Variants in CHD2 observed in about 807,000 individuals in gnomAD.
CHD2 encodes ATP-dependent chromatin remodeler CHD2.
In CHD2, 28 loss-of-function variants were observed where a neutral mutation model predicts 243.9. That is an observed-to-expected ratio of 0.11 (90% confidence interval 0.09 to 0.16). The LOEUF is 0.16. CHD2 is among the 10% of genes least tolerant of loss of function. The pLI is 1.00. For missense variants in CHD2, 1,386 were observed against 2,209.8 expected, an observed-to-expected ratio of 0.63 and a Z score of 7.47; for synonymous variants, 775 against 779.0, an observed-to-expected ratio of 0.99 and a Z score of 0.09.
In CHD2 at chr15:92,940,796, T is replaced by TAA. The variant is rs1276325970; in HGVS notation, c.693-1025_693-1024insAA. Among the ~76,000 whole-genome samples the TAA allele has an allele frequency of 6.6e-3, 906 of 137,268 alleles. 44 individuals carry two copies. Among genetic ancestry groups the TAA allele is most frequent in the South Asian group, 0.014 (61 of 4,418 alleles). 90.1% of individuals were successfully genotyped at this position (137,268 alleles called of 152,430 possible). ...ATAAAAAATATAAAAAATATATAAA[T>TAA]ATATAAATAAATATAAATATATATA... is the stretch of plus-strand genomic sequence containing the variant. On this transcript the variant is annotated intron_variant, in intron 7 of 38. Coordinates refer to ENST00000394196, the MANE Select transcript of CHD2 (RefSeq NM_001271.4).
intron 12 of CHD2, chr15:92,946,950 G>C (rs2053479169): frequency 6.7e-6 from 1 of 149,972 alleles, no homozygotes; most frequent in Non-Finnish European, 1.5e-5. Context: ...AAAAAAAATA[G>C]AGAGCGGGAA....
chr15:92,932,674 T>C (rs1485387758), intron 5 of CHD2, among the ~76,000 whole-genome samples: 1 of 152,126 alleles, frequency 6.6e-6, no homozygotes, highest in Admixed American at 6.5e-5. Context: ...TTTAGGACAT[T>C]GATGTTTTTG....
Position 92,985,575 on chromosome 15 carries a change from G to A in CHD2, c.3315G>A (p.Thr1105=), listed in dbSNP as rs138979360. The A allele has an allele frequency of 5.1e-5, 82 of 1,614,052 alleles. No individual in the cohort carries two copies. The African/African-American group carries it at 7.6e-4, about 15-fold the overall frequency. ...AQRSSASESE[T]EDSDDDKKPK... ...GATCCTCTGCTTCTGAGAGTGAAAC[G>A]GAAGACTCTGATGATGACAAGAAGC... is the stretch of plus-strand genomic sequence containing the variant. Residue 1105 remains threonine, a synonymous_variant, in exon 26 of 39, where the codon ACG becomes ACA. Transcript: ENST00000394196.
rs1319263341 is a variant in CHD2 at position 93,024,554 on chromosome 15, C to G, written c.5336C>G (p.Pro1779Arg). ...GGGGAATATAAACAGCCTCTACCCCCATTGCACCCTGCAGTCTCAGATCCT... is the reference window on the plus strand; with the variant it reads ...GGGGAATATAAACAGCCTCTACCCCGATTGCACCCTGCAGTCTCAGATCCT... ...KLGEYKQPLP[P>R]LHPAVSDPRS... Residue 1779 changes from proline (P) to arginine (R), a missense_variant, in exon 39 of 39, where the codon CCA (proline) becomes CGA (arginine). Around this residue, in one of 19 missense-constraint regions of CHD2, gnomAD observed 347 missense variants for 341.6 expected, o/e 1.02. Transcript: ENST00000394196. 1.2e-5 allele frequency: 19 copies of G among 1,614,216 alleles called. No individual in the cohort carries two copies. The highest frequency in any genetic ancestry group is 1.6e-5 in the Non-Finnish European group (19 of 1,180,038).
At chr15:92,941,734 A>T (rs1195426773) in intron 7 of CHD2, 88 bp from the exon 8 acceptor site, 1 of 1,315,006 alleles carries the variant, frequency 7.6e-7, no homozygotes, top group African/African-American at 1.5e-5. Context: ...CCAAAAGGGT[A>T]TGGTTTCTTA....
intron 6 of CHD2, among the ~76,000 whole-genome samples, chr15:92,939,016 G>A (rs1198611205): frequency 6.6e-6 from 1 of 151,212 alleles, no homozygotes; most frequent in African/African-American, 2.4e-5. Flanking sequence ...CTTTATCCTG[G>A]AAATCCTTTC....
chr15:92,971,693 T>C (rs769792819), intron 17 of CHD2, 72 bp from the exon 18 acceptor site: 141 of 1,414,420 alleles, frequency 1.0e-4, no homozygotes, highest in Non-Finnish European at 1.3e-4. Context: ...CTACTATCTC[T>C]TATACTCTTC....
chr15:92,970,382 G>T (rs950453811), intron 17 of CHD2, among the ~76,000 whole-genome samples: 1 of 152,048 alleles, frequency 6.6e-6, no homozygotes, highest in African/African-American at 2.4e-5. Flanking sequence ...TGTAGTTTTA[G>T]TAGAGATGGA....
chr15:92,976,071 A>C (rs2053903720), intron 20 of CHD2, among the ~76,000 whole-genome samples: 1 of 152,174 alleles, frequency 6.6e-6, no homozygotes, highest in Non-Finnish European at 1.5e-5. Context: ...AGTGCATAGT[A>C]AGCGCTCTAA....
At chr15:93,012,310 T>G (rs377308268) in intron 35 of CHD2, 35 bp from the exon 36 acceptor site, 15 of 1,480,248 alleles carry the variant, frequency 1.0e-5, no homozygotes, top group African/African-American at 1.4e-5. Context: ...TTTCTAATTC[T>G]ATAATTCACC....
At chr15:92,917,109 T>C (rs560827166) in intron 2 of CHD2, among the ~76,000 whole-genome samples, 111 of 152,250 alleles carry the variant, frequency 7.3e-4, no homozygotes, top group Non-Finnish European at 1.4e-3. Context: ...CTATATACTT[T>C]GTTATGTGTA....
Position 92,945,887 on chromosome 15 carries a change from T to C in CHD2, c.1198+22T>C, listed in dbSNP as rs181909863. 1.9e-6 allele frequency: 3 copies of C among 1,559,316 alleles called. No individual in the cohort carries two copies. In the African/African-American group the frequency reaches 4.1e-5, roughly 21 times the overall value. On this transcript the variant is annotated intron_variant, in intron 11 of 38. Coordinates refer to ENST00000394196, the MANE Select transcript of CHD2 (RefSeq NM_001271.4). The stretch of plus-strand genomic sequence containing the variant: ...CCAGGTAAGCAAGAAATTTTATTTA[T>C]AAATGTTCTTCAACATTTCAGAACA...
chr15:92,911,666 C>T (rs1435053339), intron 2 of CHD2, among the ~76,000 whole-genome samples: 3 of 151,992 alleles, frequency 2.0e-5, no homozygotes, highest in East Asian at 1.9e-4. Context: ...ACCTGGGAGG[C>T]GGAAGTTGCA....
chr15:93,003,106 C>T (rs866595218), intron 33 of CHD2, among the ~76,000 whole-genome samples: 4 of 152,094 alleles, frequency 2.6e-5, no homozygotes, highest in Admixed American at 1.3e-4. Context: ...AGGGAGACCT[C>T]GTCTCTACAA....
At chr15:92,922,844 G>C (rs961787751) in intron 2 of CHD2, among the ~76,000 whole-genome samples, 1 of 152,054 alleles carries the variant, frequency 6.6e-6, no homozygotes, top group African/African-American at 2.4e-5. Context: ...TTCACCATTA[G>C]AGGAAGATGA....
chr15:92,990,916 G>A (rs2054110317), intron 26 of CHD2, among the ~76,000 whole-genome samples: 1 of 152,182 alleles, frequency 6.6e-6, no homozygotes, highest in South Asian at 2.1e-4. Flanking sequence ...TTTGGGAGGA[G>A]AGGTCAGTAG....
In CHD2 at chr15:93,014,235, A is replaced by T. The variant is rs576034630; in HGVS notation, c.4693-461A>T. Among the ~76,000 whole-genome samples, 44 of 152,162 alleles carry T rather than the reference A, an allele frequency of 2.9e-4. No homozygotes were observed. The South Asian group carries it at 8.5e-3, about 29-fold the overall frequency. On this transcript the variant is annotated intron_variant, in intron 36 of 38. Transcript: ENST00000394196. Reference sequence around the variant, plus strand: ...TGATTTTTTTTATATCAAACATTTGACTTGTGTGATAAGGAGTAATGTTAC... The same window carrying T: ...TGATTTTTTTTATATCAAACATTTGTCTTGTGTGATAAGGAGTAATGTTAC...
chr15:92,909,924 G>A (rs1192037435), intron 2 of CHD2, among the ~76,000 whole-genome samples: 1 of 151,670 alleles, frequency 6.6e-6, no homozygotes, highest in Non-Finnish European at 1.5e-5. Flanking sequence ...GTAAGGGACT[G>A]TTTTAAGGGT....
rs567831145 is a variant in CHD2, at chr15:92,962,818, G to C, written c.2001-4507G>C. Among the ~76,000 whole-genome samples, 21 of 152,232 alleles carry C rather than the reference G, an allele frequency of 1.4e-4. No individual in the cohort carries two copies. The East Asian group carries it at 2.3e-3, about 17-fold the overall frequency. Reference sequence around the variant, plus strand: ...CATTATTTTGGGGTTGTTCTGTTAGGTATGTATCCATTCATAACTTTTGTA... The same window carrying C: ...CATTATTTTGGGGTTGTTCTGTTAGCTATGTATCCATTCATAACTTTTGTA... On this transcript the variant is annotated intron_variant, in intron 16 of 38. Transcript: ENST00000394196.
Sources: gnomAD v4.1 joint callset for allele counts (sites outside exome capture counted in the v4.1 genomes callset) on GRCh38, gnomAD v4.1.1 for gene constraint, gnomAD v4.1.1 regional missense constraint, MANE v1.5 for transcripts, NCBI Gene and HGNC (gene_info 2026-07-23, HGNC 2026-07-21) for gene names.